MED28: variants seen among roughly 807,000 people sequenced by gnomAD.
MED28 encodes the protein mediator of RNA polymerase II transcription subunit 28.
In MED28, 26 loss-of-function variants were observed where a neutral mutation model predicts 21.3. The ratio of observed to expected loss-of-function variants is 1.22; its 90% confidence interval spans 0.89 to 1.69. The LOEUF (loss-of-function observed/expected upper bound fraction) is 1.69. MED28 is among the 40% of genes most tolerant of loss of function. The pLI, the probability that MED28 is intolerant of heterozygous loss-of-function variation, is 0.00. For synonymous variants in MED28, 110 were observed against 87.6 expected, an observed-to-expected ratio of 1.26 and a Z score of -1.43; for missense variants, 257 against 215.4, an observed-to-expected ratio of 1.19 and a Z score of -1.21.
chr4:17,620,323 GCTT>G (rs1452829361), intron 2 of MED28, among the ~76,000 whole-genome samples: 1 of 150,422 alleles, frequency 6.6e-6, no homozygotes, highest in Non-Finnish European at 1.5e-5. Flanking sequence ...GGTAACCAGA[GCTT>G]CTGATTTCTT....
intron 1 of MED28, among the ~76,000 whole-genome samples, chr4:17,618,595 C>T (rs914846795): frequency 1.2e-4 from 18 of 152,146 alleles, no homozygotes. Flanking sequence ...TGGCTCACTG[C>T]AACCTCTGCC....
rs1715008575 is a variant in MED28 at position 17,632,966 on chromosome 4, GGC to G, written c.*9169_*9170del. On this transcript the variant is annotated 3_prime_UTR_variant, in exon 4 of 4. Coordinates refer to ENST00000237380, the MANE Select transcript of MED28 (RefSeq NM_025205.5). ...TGACAGAGTCTCCCTCTGTCACCCA[GGC>G]TGGAGTGCAGTGGCATGATCTCGGC... is the stretch of plus-strand genomic sequence containing the variant. 1.6e-5 allele frequency: 3 copies of G among 183,780 alleles called. No individual in the cohort carries two copies. The South Asian group carries it at 3.4e-4, about 21-fold the overall frequency. The allele number at this position is 183,780 out of a possible 1,614,324, so 11.4% of individuals were successfully genotyped here. A position where few individuals can be genotyped will look rare whatever the true frequency, so the allele number is the denominator to read the frequency against.
intron 1 of MED28, among the ~76,000 whole-genome samples, chr4:17,617,536 CCG>C (rs1714486456): frequency 6.6e-6 from 1 of 152,162 alleles, no homozygotes; most frequent in Non-Finnish European, 1.5e-5. Flanking sequence ...TGAAAGCCAG[CCG>C]TTGGGTTTGT....
In MED28 at chr4:17,633,625, C is replaced by A; in HGVS notation, c.*9827C>A. On this transcript the variant is annotated 3_prime_UTR_variant, in exon 4 of 4. Coordinates refer to ENST00000237380, the MANE Select transcript of MED28 (RefSeq NM_025205.5). ...TTTGGTACCAGGTGCTAGAAAGAATCCTACTTCCCCTCTTATCTACAGGGA... is the reference window on the plus strand; with the variant it reads ...TTTGGTACCAGGTGCTAGAAAGAATACTACTTCCCCTCTTATCTACAGGGA... 7.5e-7 allele frequency: 1 copy of A among 1,341,256 alleles called. No homozygotes were observed. Among genetic ancestry groups the A allele is most frequent in the Non-Finnish European group, 9.7e-7 (1 of 1,028,102 alleles). 83.1% of individuals were successfully genotyped at this position (1,341,256 alleles called of 1,614,324 possible).
intron 1 of MED28, among the ~76,000 whole-genome samples, chr4:17,619,201 T>G (rs1714546079): frequency 6.6e-6 from 1 of 152,178 alleles, no homozygotes; most frequent in Admixed American, 6.5e-5. Context: ...CTGATTCACA[T>G]TTGCATCTGT....
At position 17,624,034 on chromosome 4, in the gene MED28, C is replaced by G; in HGVS notation, c.*236C>G. The G allele has an allele frequency of 3.7e-6, 2 of 541,278 alleles. No homozygotes were observed. The highest frequency in any genetic ancestry group is 6.6e-6 in the Non-Finnish European group (2 of 303,440). The allele number at this position is 541,278 out of a possible 1,614,324, so 33.5% of individuals were successfully genotyped here. ...GTAAGTATTTTTTTTTTGTCTTTAGCAAAGTTTAGACTGTGAATATGATGA... is the reference window on the plus strand; with the variant it reads ...GTAAGTATTTTTTTTTTGTCTTTAGGAAAGTTTAGACTGTGAATATGATGA... On this transcript the variant is annotated 3_prime_UTR_variant, in exon 4 of 4. Coordinates refer to ENST00000237380, the MANE Select transcript of MED28 (RefSeq NM_025205.5).
At chr4:17,620,692 CTTTTTTTTT>C (rs146604205) in intron 2 of MED28, among the ~76,000 whole-genome samples, 2 of 108,900 alleles carry the variant, frequency 1.8e-5, no homozygotes, top group African/African-American at 3.6e-5. Context: ...TGCATTGTCT[CTTTTTTTTT>C]TTTTTTTTTT....
Position 17,614,678 on chromosome 4 carries a change from G to A in MED28, c.24G>A (p.Met8Ile), listed in dbSNP as rs781709845. The A allele has an allele frequency of 1.2e-6, 2 of 1,613,088 alleles. No individual in the cohort carries two copies. Among genetic ancestry groups the A allele is most frequent in the Non-Finnish European group, 1.7e-6 (2 of 1,179,790 alleles). Reference protein sequence around the residue: MAAPLGGMFSGQPPGPPQ... With the variant: MAAPLGGIFSGQPPGPPQ... The stretch of plus-strand genomic sequence containing the variant: ...ACATGGCGGCTCCACTAGGGGGTAT[G>A]TTTTCTGGGCAGCCACCCGGTCCCC... Residue 8 changes from methionine to isoleucine, a missense_variant, in exon 1 of 4, where the codon ATG (methionine) becomes ATA (isoleucine). Physicochemically the swap from Met to Ile is conservative, Grantham distance 10. Coordinates refer to ENST00000237380, the MANE Select transcript of MED28 (RefSeq NM_025205.5).
At chr4:17,620,812 C>A (rs1032973208) in intron 2 of MED28, among the ~76,000 whole-genome samples, 1 of 150,826 alleles carries the variant, frequency 6.6e-6, no homozygotes, top group African/African-American at 2.4e-5. Context: ...AAGCAGTCCT[C>A]CCATTTCAGC....
Position 17,621,568 on chromosome 4 carries a change from T to G in MED28, c.227-19T>G, listed in dbSNP as rs1157277983. 1 of 1,474,182 alleles carries G rather than the reference T, an allele frequency of 6.8e-7. No homozygotes were observed. Among genetic ancestry groups the G allele is most frequent in the South Asian group, 1.3e-5 (1 of 75,210 alleles). 91.3% of individuals were successfully genotyped at this position (1,474,182 alleles called of 1,614,324 possible). A position where few individuals can be genotyped will look rare whatever the true frequency, so the allele number is the denominator to read the frequency against. ...TGTTGTTTTTCTTATTTTAATAATTTTGTTCCTTTTTTTTTAAGGTGTTGA... is the reference window on the plus strand; with the variant it reads ...TGTTGTTTTTCTTATTTTAATAATTGTGTTCCTTTTTTTTTAAGGTGTTGA... On this transcript the variant is annotated intron_variant, in intron 2 of 3. Transcript: ENST00000237380.
intron 3 of MED28, among the ~76,000 whole-genome samples, chr4:17,622,895 G>A (rs1373445855): frequency 1.3e-5 from 2 of 152,270 alleles, no homozygotes; most frequent in East Asian, 1.9e-4. Context: ...ATCAGATCTC[G>A]TGAGATTTAT....
intron 2 of MED28, among the ~76,000 whole-genome samples, chr4:17,620,987 C>T (rs889284933): frequency 1.3e-5 from 2 of 149,384 alleles, no homozygotes; most frequent in African/African-American, 2.5e-5. Context: ...GGATTACAGG[C>T]GTGAGCCACC....
At chr4:17,620,180 C>T (rs1405923541) in intron 2 of MED28, 9 of 553,110 alleles carry the variant, frequency 1.6e-5, no homozygotes, top group Non-Finnish European at 2.3e-5. Context: ...ATGAACTTTT[C>T]GTATTCGTAC....
In MED28 at chr4:17,628,521, CTCTG is replaced by C. The variant is rs1257783260; in HGVS notation, c.*4728_*4731del. 1.3e-5 allele frequency: 2 copies of C among 152,106 alleles called. No individual in the cohort carries two copies. Among genetic ancestry groups the C allele is most frequent in the East Asian group, 1.9e-4 (1 of 5,186 alleles). The allele number at this position is 152,106 out of a possible 1,614,324, so 9.4% of individuals were successfully genotyped here. A position where few individuals can be genotyped will look rare whatever the true frequency, so the allele number is the denominator to read the frequency against. ...CCTAAAAGAGGTTCTTTGTGACACC[CTCTG>C]TCTGAGAAGTCCTATGGTTCTCTGT... On this transcript the variant is annotated 3_prime_UTR_variant, in exon 4 of 4. Coordinates refer to ENST00000237380, the MANE Select transcript of MED28 (RefSeq NM_025205.5).
Position 17,629,331 on chromosome 4 carries a change from C to G in MED28, c.*5533C>G, listed in dbSNP as rs1714857911. The G allele has an allele frequency of 6.6e-6, 1 of 152,124 alleles. No individual in the cohort carries two copies. The highest frequency in any genetic ancestry group is 2.4e-5 in the African/African-American group (1 of 41,390). The allele number at this position is 152,124 out of a possible 1,614,324, so 9.4% of individuals were successfully genotyped here. On this transcript the variant is annotated 3_prime_UTR_variant, in exon 4 of 4. Transcript: ENST00000237380. ...ATCTGACAGATACAGTAAGATGGTC[C>G]CTATCATAGTTCCATTTAATTTGCC...
chr4:17,618,287 G>C (rs552278833), intron 1 of MED28, among the ~76,000 whole-genome samples: 2 of 152,080 alleles, frequency 1.3e-5, no homozygotes, highest in African/African-American at 4.8e-5. Context: ...GCTTACAGGC[G>C]TCAGCCACCA....
chr4:17,634,050 C>T lies in MED28; in HGVS notation c.*10252C>T, dbSNP rs1715050123. On this transcript the variant is annotated 3_prime_UTR_variant, in exon 4 of 4. Transcript: ENST00000237380. ...CTATTTTTTAAAGCACTTTTCCCTC[C>T]AATCTTCATTTTGTATTATAAATAA... is the stretch of plus-strand genomic sequence containing the variant. 4.0e-6 allele frequency: 2 copies of T among 502,398 alleles called. No homozygotes were observed. The highest frequency in any genetic ancestry group is 8.3e-5 in the Admixed American group (2 of 24,148). The allele number at this position is 502,398 out of a possible 1,614,324, so 31.1% of individuals were successfully genotyped here. A position where few individuals can be genotyped will look rare whatever the true frequency, so the allele number is the denominator to read the frequency against.
Position 17,620,191 on chromosome 4 carries a change from T to G in MED28, c.226+224T>G, listed in dbSNP as rs930677769. The G allele has an allele frequency of 5.5e-5, 30 of 543,782 alleles. No homozygotes were observed. The East Asian group carries it at 9.0e-4, about 16-fold the overall frequency. The allele number at this position is 543,782 out of a possible 1,614,324, so 33.7% of individuals were successfully genotyped here. A position where few individuals can be genotyped will look rare whatever the true frequency, so the allele number is the denominator to read the frequency against. On this transcript the variant is annotated intron_variant, in intron 2 of 3. Transcript: ENST00000237380. ...TATAATGAACTTTTCGTATTCGTAC[T>G]AGGTAAAGAAGAAGACCAATAGTGT...
chr4:17,619,436 G>T (rs146665331), intron 1 of MED28, among the ~76,000 whole-genome samples: 1,800 of 152,360 alleles, frequency 0.012, 42 homozygotes, highest in African/African-American at 0.041. Flanking sequence ...TATGATGTCA[G>T]TTAATTATGT....
Sources: allele counts gnomAD v4.1 joint callset (sites outside exome capture counted in the v4.1 genomes callset), GRCh38; gene constraint gnomAD v4.1.1; transcripts MANE v1.5; gene names NCBI Gene and HGNC (gene_info 2026-07-23, HGNC 2026-07-21).